Variants in PEX1 observed in about 807,000 individuals in gnomAD.
PEX1 encodes the protein peroxisomal biogenesis factor 1.
A neutral mutation model predicts 152.5 loss-of-function variants in PEX1; 97 were observed. That is an observed-to-expected ratio of 0.64 (90% CI 0.54 to 0.75). The LOEUF is 0.75. Among genes scored for constraint, PEX1 ranks in the 30% least tolerant of loss-of-function variants. PEX1 has a pLI of 0.00. For missense variants in PEX1, 1,357 were observed against 1,516.3 expected (o/e 0.89, Z 1.74); for synonymous variants, 485 against 531.6 (o/e 0.91, Z 1.21).
rs571416751 is a variant in PEX1, at chr7:92,502,735, T to C, written c.2226+306A>G. Among the ~76,000 whole-genome samples the C allele has an allele frequency of 1.5e-4, 23 of 152,226 alleles. No homozygotes were observed. In the South Asian group the frequency reaches 4.8e-3, roughly 32 times the overall value. Reference sequence around the variant, plus strand: ...AAGGGGACTAAGTGCCATTATGTGATGGTGGAAAAAAAAAGTTTAATTAAT... The same window carrying C: ...AAGGGGACTAAGTGCCATTATGTGACGGTGGAAAAAAAAAGTTTAATTAAT... On this transcript the variant is annotated intron_variant, in intron 13 of 23. Coordinates refer to ENST00000248633, the MANE Select transcript of PEX1 (RefSeq NM_000466.3).
intron 16 of PEX1, 142 bp downstream of exon 16, chr7:92,499,560 GAA>G: frequency 2.9e-6 from 2 of 692,862 alleles, no homozygotes; most frequent in South Asian, 1.7e-5. Context: ...GGAGTGGAAT[GAA>G]AAAGTTTTGA....
In PEX1 at chr7:92,494,533, T is replaced by C; in HGVS notation, c.2880A>G (p.Val960=). 6.2e-7 allele frequency: 1 copy of C among 1,613,938 alleles called. No individual in the cohort carries two copies. The highest frequency in any genetic ancestry group is 1.1e-5 in the South Asian group (1 of 91,086). Residue 960 remains valine, a synonymous_variant, in exon 18 of 24, where the codon GTA becomes GTG. Transcript: ENST00000248633. ...GHDNTGVTDR[V]VNQLLTQLDG... is the part of the protein sequence containing the mutation. ...CCAACTGAGTCAGCAACTGGTTAAC[T>C]ACTCGGTCTGTAACTCCTGTATTAT...
chr7:92,508,300 C>T (rs1792295004), intron 9 of PEX1, among the ~76,000 whole-genome samples: 1 of 152,072 alleles, frequency 6.6e-6, no homozygotes. Context: ...CCTGTAATCC[C>T]AGCACTTTGG....
intron 2 of PEX1, among the ~76,000 whole-genome samples, chr7:92,521,566 C>G (rs988172503): frequency 6.6e-6 from 1 of 152,016 alleles, no homozygotes; most frequent in Non-Finnish European, 1.5e-5. Flanking sequence ...TCCTGAGTAG[C>G]TGGGATTACA....
At chr7:92,519,170 T>TTAGTGTGTATGTTTTGTATG (rs1439728366) in intron 2 of PEX1, 92 bp from the exon 3 acceptor site, 2 of 739,836 alleles carry the variant, frequency 2.7e-6, no homozygotes, top group Non-Finnish European at 4.7e-6. Flanking sequence ...CCATTTTAGG[T>TTAGTGTGTATGTTTTGTATG]TAAGTAGATG....
chr7:92,527,135 T>C (rs564344725), intron 1 of PEX1, among the ~76,000 whole-genome samples: 1 of 152,342 alleles, frequency 6.6e-6, no homozygotes, highest in African/African-American at 2.4e-5. Context: ...TTCTTATAAG[T>C]ACTTCCCGAA....
At position 92,489,403 on chromosome 7, in the gene PEX1, T is replaced by C; in HGVS notation, c.3657A>G (p.Gln1219=). Residue 1219 remains glutamine, a synonymous_variant, in exon 23 of 24, where the codon CAA becomes CAG. Transcript: ENST00000248633. ...CCAGTCTGGTTTTGATTGGTCCTGGTTGGTTCATGGATTCGTCCTCCTTAA... is the reference window on the plus strand; with the variant it reads ...CCAGTCTGGTTTTGATTGGTCCTGGCTGGTTCATGGATTCGTCCTCCTTAA... The part of the protein sequence containing the change: ...SQSGEDESMN[Q]PGPIKTRLAI... The C allele has an allele frequency of 6.2e-7, 1 of 1,613,214 alleles. No homozygotes were observed. The highest frequency in any genetic ancestry group is 8.5e-7 in the Non-Finnish European group (1 of 1,179,280).
At chr7:92,508,599 T>C (rs1379382947) in intron 9 of PEX1, among the ~76,000 whole-genome samples, 9 of 152,228 alleles carry the variant, frequency 5.9e-5, no homozygotes, top group African/African-American at 1.9e-4. Context: ...CATTTTGACT[T>C]TATCGTTTAA....
intron 7 of PEX1, among the ~76,000 whole-genome samples, 200 bp from the exon 8 acceptor site, chr7:92,511,247 C>T (rs1467762401): frequency 6.6e-6 from 1 of 152,102 alleles, no homozygotes; most frequent in African/African-American, 2.4e-5. Context: ...GCCTCAGCCT[C>T]CCAAGTAGCT....
rs138183109 is a variant in PEX1, at chr7:92,517,703, T to C, written c.812A>G (p.Asn271Ser). ...QETSWGLTEI[N>S]AFKNMQSKVV... ...CTTTGACTGCATATTTTTGAATGCA[T>C]TGATTTCAGTTAAACCCCAAGATGT... Residue 271 changes from asparagine (N) to serine (S), a missense_variant, in exon 5 of 24, where the codon AAT (asparagine) becomes AGT (serine). Asn to Ser is a conservative substitution (Grantham distance 46, BLOSUM62 1). Coordinates refer to ENST00000248633, the MANE Select transcript of PEX1 (RefSeq NM_000466.3). The C allele has an allele frequency of 1.5e-3, 2,364 of 1,613,316 alleles. 39 individuals carry two copies. In the African/African-American group the frequency reaches 0.027, roughly 19 times the overall value.
intron 1 of PEX1, 81 bp from the exon 2 acceptor site, chr7:92,522,326 A>T (rs1303642776): frequency 7.4e-7 from 1 of 1,355,814 alleles, no homozygotes; most frequent in African/African-American, 1.4e-5. Flanking sequence ...TATTATTACA[A>T]TTCACATGTC....
At chr7:92,494,699 A>C in intron 17 of PEX1, 70 bp from the exon 18 acceptor site, 1 of 1,181,108 alleles carries the variant, frequency 8.5e-7, no homozygotes, top group Non-Finnish European at 1.2e-6. Context: ...TCATATACAT[A>C]TATGAATGTA....
At chr7:92,528,159 C>T in intron 1 of PEX1, 148 bp downstream of exon 1, 1 of 1,005,148 alleles carries the variant, frequency 9.9e-7, no homozygotes, top group South Asian at 1.5e-5. Flanking sequence ...CAGAGACTAC[C>T]CAGAAGGGCC....
rs1562873404 is a variant in PEX1 at position 92,528,338 on chromosome 7, C to T, written c.98G>A (p.Arg33Gln). The change falls in exon 1 of 24, where the codon CGG (arginine) becomes CAG (glutamine). Residue 33 changes from arginine (R) to glutamine (Q), a missense_variant. Arg to Gln is a conservative substitution (Grantham distance 43, BLOSUM62 1). Coordinates refer to ENST00000248633, the MANE Select transcript of PEX1 (RefSeq NM_000466.3). The stretch of plus-strand genomic sequence containing the variant: ...CAGATGCAGCTGGGCCACGAGACGC[C>T]GCGGCAGGTGGAGGAAGCAGTCGCG... ...NARDCFLHLP[R>Q]RLVAQLHLLQ... The T allele has an allele frequency of 6.4e-7, 1 of 1,569,820 alleles. No individual in the cohort carries two copies. The highest frequency in any genetic ancestry group is 8.6e-7 in the Non-Finnish European group (1 of 1,159,632).
chr7:92,491,034 A>C (rs1791279078), intron 21 of PEX1, among the ~76,000 whole-genome samples: 2 of 152,238 alleles, frequency 1.3e-5, no homozygotes, highest in African/African-American at 4.8e-5. Flanking sequence ...ACCTCAAAGA[A>C]ACCAAAGGTA....
intron 1 of PEX1, among the ~76,000 whole-genome samples, chr7:92,524,679 A>ATCATGTATCACTTAGTTGTGTAATTTTT (rs1793189936): frequency 6.6e-6 from 1 of 152,244 alleles, no homozygotes; most frequent in African/African-American, 2.4e-5. Flanking sequence ...GAAAGCCATC[A>ATCATGTATCACTTAGTTGTGTAATTTTT]TCATGTATCA....
chr7:92,492,964 T>G lies in PEX1; in HGVS notation c.3196A>C (p.Ser1066Arg), dbSNP rs1791427153. The G allele has an allele frequency of 6.2e-7, 1 of 1,613,404 alleles. No individual in the cohort carries two copies. Among genetic ancestry groups the G allele is most frequent in the African/African-American group, 1.3e-5 (1 of 74,992 alleles). ...LEALHGMLLS[S>R]GLQDGSSSSD... ...CTCATATAACTTGCCTGGAGTCCAC[T>G]CGAGAGCAGCATTCCATGTAAGGCC... The change falls in exon 20 of 24, where the codon AGT becomes CGT. Residue 1066 changes from serine to arginine, a missense_variant. Ser to Arg is a moderately radical substitution (Grantham distance 110, BLOSUM62 -1). Transcript: ENST00000248633.
Position 92,489,872 on chromosome 7 carries a change from C to A in PEX1, c.3478G>T (p.Asp1160Tyr). The change falls in exon 22 of 24, where the codon GAT (aspartate) becomes TAT (tyrosine). Residue 1160 changes from aspartate (D) to tyrosine (Y), a missense_variant. Coordinates refer to ENST00000248633, the MANE Select transcript of PEX1 (RefSeq NM_000466.3). ...CLSAPSSMTQ[D>Y]LPGVPGKDQL... ...TCTTTCCCAGGAACTCCAGGCAAAT[C>A]CTGAGTCATGGAGCTTGGTGCAGAG... The A allele has an allele frequency of 6.2e-7, 1 of 1,614,006 alleles. No individual in the cohort carries two copies. Among genetic ancestry groups the A allele is most frequent in the Non-Finnish European group, 8.5e-7 (1 of 1,179,978 alleles).
At chr7:92,508,382 C>A (rs576449590) in intron 9 of PEX1, among the ~76,000 whole-genome samples, 34 of 151,970 alleles carry the variant, frequency 2.2e-4, no homozygotes, top group Admixed American at 2.0e-3. Context: ...ACTAAAAATA[C>A]AAAAAATTAG....
Sources: gnomAD v4.1 joint callset for allele counts (sites outside exome capture counted in the v4.1 genomes callset) on GRCh38, gnomAD v4.1.1 for gene constraint, MANE v1.5 for transcripts, NCBI Gene and HGNC (gene_info 2026-07-23, HGNC 2026-07-21) for gene names.